The following RTN1 variants were observed in gnomAD, a reference collection of about 807,000 sequenced individuals.
RTN1 encodes the protein reticulon-1.
In RTN1, 25 loss-of-function variants were observed where a neutral mutation model predicts 65.5. The ratio of observed to expected loss-of-function variants is 0.38; its 90% CI spans 0.28 to 0.53. The LOEUF (loss-of-function observed/expected upper bound fraction) is 0.53, where lower values mean the gene tolerates loss of function less well. RTN1 is among the 20% of genes least tolerant of loss of function. The probability of loss-of-function intolerance (pLI) is 0.79; values close to 1 mark genes in which losing one functional copy is unlikely to be tolerated. For missense variants in RTN1, 983 were observed against 1,025.4 expected, an observed-to-expected ratio of 0.96 and a Z score of 0.57; for synonymous variants, 471 against 447.6, an observed-to-expected ratio of 1.05 and a Z score of -0.66.
At chr14:59,630,608 C>A in intron 3 of RTN1, 1 of 1,579,092 alleles carries the variant, frequency 6.3e-7, no homozygotes, top group Non-Finnish European at 8.6e-7. Flanking sequence ...AGTGGCCGCG[C>A]GGCTGCGGAG....
In RTN1 at chr14:59,849,798, C is replaced by A. The variant is rs747285602; in HGVS notation, c.241+20592G>T. Among the ~76,000 whole-genome samples, 3 of 152,220 alleles carry A rather than the reference C, an allele frequency of 2.0e-5. No individual in the cohort carries two copies. Among genetic ancestry groups the A allele is most frequent in the Non-Finnish European group, 4.4e-5 (3 of 68,042 alleles). ...CAAGAACTCCCACTCTCACTTACTC[C>A]AGGTTCTAGAATTTAGCCAAGTCTT... On this transcript the variant is annotated intron_variant, in intron 1 of 8. Coordinates refer to ENST00000267484, the MANE Select transcript of RTN1 (RefSeq NM_021136.3). The surrounding 1 kb of genome is among the most constrained non-coding windows in gnomAD (Gnocchi z 4.5).
At chr14:59,690,806 T>C (rs762129292) in intron 3 of RTN1, among the ~76,000 whole-genome samples, 3 of 151,864 alleles carry the variant, frequency 2.0e-5, no homozygotes, top group African/African-American at 4.8e-5. Context: ...ACCATATAAC[T>C]GCATGGAAAT....
intron 8 of RTN1, among the ~76,000 whole-genome samples, chr14:59,599,496 C>T (rs1881511773): frequency 6.6e-6 from 1 of 152,098 alleles, no homozygotes. Flanking sequence ...ATACCTTGGC[C>T]CAGACACATA....
chr14:59,661,954 T>A (rs1883257554), intron 3 of RTN1, among the ~76,000 whole-genome samples: 2 of 152,134 alleles, frequency 1.3e-5, no homozygotes, highest in South Asian at 4.1e-4. Context: ...AAAGAGGAAG[T>A]CAAATTGTCC....
intron 1 of RTN1, among the ~76,000 whole-genome samples, chr14:59,815,444 T>C (rs921196101): frequency 2.6e-5 from 4 of 152,152 alleles, no homozygotes; most frequent in African/African-American, 9.7e-5. Flanking sequence ...ACTTTAAAAA[T>C]CTCCTCCTGA....
chr14:59,753,205 C>A (rs1594725359), intron 1 of RTN1, among the ~76,000 whole-genome samples: 1 of 152,066 alleles, frequency 6.6e-6, no homozygotes, highest in South Asian at 2.1e-4. Context: ...CTATATTATT[C>A]TAAAAATAAA....
chr14:59,727,399 A>C lies in RTN1; in HGVS notation c.1285T>G (p.Ser429Ala). ...ACGTGGCCAAAGCTCACATAGCCTG[A>C]GGGCAGCGCGTCCTCCGCGGCCATG... ...DPMAAEDALP[S>A]GYVSFGHVGG... Residue 429 changes from serine to alanine, a missense_variant, in exon 3 of 9, where the codon TCA becomes GCA. Transcript: ENST00000267484. This position sits in a 1 kb window ranked among gnomAD's most constrained non-coding sequence, Gnocchi z 4.2. The C allele has an allele frequency of 6.5e-7, 1 of 1,545,428 alleles. No individual in the cohort carries two copies. Among genetic ancestry groups the C allele is most frequent in the Non-Finnish European group, 8.7e-7 (1 of 1,145,514 alleles).
At chr14:59,832,326 CT>C (rs1310990582) in intron 1 of RTN1, among the ~76,000 whole-genome samples, 2 of 149,962 alleles carry the variant, frequency 1.3e-5, no homozygotes, top group Non-Finnish European at 3.0e-5. Context: ...TTTTTTCGTT[CT>C]TTCTATTACT....
chr14:59,702,465 C>T (rs527704034), intron 3 of RTN1, among the ~76,000 whole-genome samples: 1 of 152,244 alleles, frequency 6.6e-6, no homozygotes, highest in Non-Finnish European at 1.5e-5. Context: ...TACTACTGCA[C>T]CCATTCCCTT....
intron 1 of RTN1, among the ~76,000 whole-genome samples, chr14:59,777,831 A>C (rs534320786): frequency 1.5e-3 from 213 of 138,032 alleles, no homozygotes; most frequent in African/African-American, 5.5e-3. Flanking sequence ...ACAAAAAAAA[A>C]AAACAAAACA....
chr14:59,705,163 C>T (rs1884264239), intron 3 of RTN1, among the ~76,000 whole-genome samples: 1 of 152,080 alleles, frequency 6.6e-6, no homozygotes, highest in South Asian at 2.1e-4. Context: ...CTTTTGCTTC[C>T]ATGCAGGCTG....
At chr14:59,750,396 AATAT>A (rs1194010660) in intron 1 of RTN1, among the ~76,000 whole-genome samples, 33 of 53,918 alleles carry the variant, frequency 6.1e-4, no homozygotes, top group Non-Finnish European at 9.0e-4. Context: ...TTATATCTAT[AATAT>A]ATATATTATA....
intron 3 of RTN1, among the ~76,000 whole-genome samples, chr14:59,707,164 A>C (rs1884312604): frequency 6.6e-6 from 1 of 152,218 alleles, no homozygotes; most frequent in African/African-American, 2.4e-5. Flanking sequence ...GCTTTTAAAG[A>C]GCAGATTTGT....
At chr14:59,663,437 C>G (rs1405874495) in intron 3 of RTN1, among the ~76,000 whole-genome samples, 1 of 152,128 alleles carries the variant, frequency 6.6e-6, no homozygotes, top group Non-Finnish European at 1.5e-5. Context: ...GACTTCATGA[C>G]TAAAACACCA....
intron 8 of RTN1, among the ~76,000 whole-genome samples, chr14:59,601,623 A>G (rs1881581515): frequency 6.6e-6 from 1 of 152,202 alleles, no homozygotes; most frequent in African/African-American, 2.4e-5. Context: ...TGTGATACTC[A>G]AACTAAGTAT....
At chr14:59,798,151 C>T (rs1022836877) in intron 1 of RTN1, among the ~76,000 whole-genome samples, 1 of 151,942 alleles carries the variant, frequency 6.6e-6, no homozygotes, top group African/African-American at 2.4e-5. Context: ...CTGAATTTTT[C>T]AAAAAATGTG....
chr14:59,688,979 A>G (rs60380454), intron 3 of RTN1, among the ~76,000 whole-genome samples: 2,924 of 152,226 alleles, frequency 0.019, 92 homozygotes, highest in African/African-American at 0.067. Flanking sequence ...CCAAAATGGA[A>G]ACTCAGAAAT....
At chr14:59,733,445 C>G (rs1334481394) in intron 2 of RTN1, among the ~76,000 whole-genome samples, 1 of 152,112 alleles carries the variant, frequency 6.6e-6, no homozygotes, top group African/African-American at 2.4e-5. Flanking sequence ...TAGGCGAGGC[C>G]TCCCAGCTGG....
intron 2 of RTN1, among the ~76,000 whole-genome samples, chr14:59,728,936 T>A (rs775329014): frequency 6.6e-6 from 1 of 152,096 alleles, no homozygotes; most frequent in Non-Finnish European, 1.5e-5. Context: ...ATATATATAG[T>A]AAATAAGTAA....
Sources: gnomAD v4.1 joint callset for allele counts (sites outside exome capture counted in the v4.1 genomes callset) on GRCh38, gnomAD v4.1.1 for gene constraint, Gnocchi (gnomAD v3.1) non-coding constraint, MANE v1.5 for transcripts, NCBI Gene and HGNC (gene_info 2026-07-23, HGNC 2026-07-21) for gene names.